Variants in TENM1 observed in about 807,000 individuals in gnomAD.
TENM1 encodes the protein teneurin transmembrane protein 1.
In TENM1, 35 loss-of-function variants were observed where a neutral mutation model predicts 174.8. That is an observed-to-expected ratio of 0.20 (90% CI 0.15 to 0.27). TENM1 has a LOEUF of 0.27. Ranked by LOEUF, TENM1 falls within the 10% of genes least tolerant of loss-of-function variation. TENM1 has a pLI of 1.00. For missense variants in TENM1, 1,633 were observed against 2,130.1 expected (o/e 0.77, Z 4.59); for synonymous variants, 781 against 798.7 (o/e 0.98, Z 0.37).
At chrX:124,437,843 G>T (rs769708816) in intron 23 of TENM1, among the ~76,000 whole-genome samples, 1 of 111,942 alleles carries the variant, frequency 8.9e-6, no homozygotes, top group South Asian at 3.8e-4. Flanking sequence ...TTCAACAGGT[G>T]TAGCCTGTTG....
chrX:124,968,822 A>G, the TENM1 span, among the ~76,000 whole-genome samples: 1 of 112,101 alleles, frequency 8.9e-6, no homozygotes, highest in Non-Finnish European at 1.9e-5. Context: ...TAACTGTGAT[A>G]TTTGTCAAAG....
At chrX:125,153,535 A>C in the TENM1 span, among the ~76,000 whole-genome samples, 3 of 112,457 alleles carry the variant, frequency 2.7e-5, no homozygotes, top group Non-Finnish European at 5.6e-5. Context: ...GAATAAAAAT[A>C]ATCCCATCTA....
At chrX:125,030,198 G>A in the TENM1 span, among the ~76,000 whole-genome samples, 1 of 111,910 alleles carries the variant, frequency 8.9e-6, no homozygotes, top group Non-Finnish European at 1.9e-5. Flanking sequence ...GCACAGAATC[G>A]CAATTGGCTA....
chrX:124,990,211 T>A, the TENM1 span, among the ~76,000 whole-genome samples: 1 of 111,359 alleles, frequency 9.0e-6, no homozygotes, highest in African/African-American at 3.3e-5. Flanking sequence ...TATCATATTA[T>A]TTGCTCCCCT....
intron 11 of TENM1, among the ~76,000 whole-genome samples, chrX:124,594,782 A>G (rs996867659): frequency 1.7e-4 from 19 of 111,753 alleles, no homozygotes; most frequent in African/African-American, 5.9e-4. Context: ...AAAACTCCTA[A>G]ATTTCTCTGT....
At chrX:124,428,687 T>C (rs1253577689) in intron 23 of TENM1, among the ~76,000 whole-genome samples, 1 of 111,183 alleles carries the variant, frequency 9.0e-6, no homozygotes, top group Non-Finnish European at 1.9e-5. Flanking sequence ...GCCCAGTGCC[T>C]GGCACATAGT....
the TENM1 span, among the ~76,000 whole-genome samples, chrX:125,064,380 T>G: frequency 1.8e-5 from 2 of 110,398 alleles, no homozygotes; most frequent in African/African-American, 6.6e-5. Context: ...CAGAGTAACA[T>G]GAATTCTAAT....
chrX:125,145,515 G>A, the TENM1 span, among the ~76,000 whole-genome samples: 1 of 112,374 alleles, frequency 8.9e-6, no homozygotes, highest in South Asian at 3.6e-4. Flanking sequence ...TGCAAAGTTT[G>A]CAAAATGTAA....
the TENM1 span, among the ~76,000 whole-genome samples, chrX:125,155,507 C>T: frequency 1.9e-5 from 2 of 105,970 alleles, no homozygotes; most frequent in Admixed American, 1.0e-4. Flanking sequence ...GACTGGGCTC[C>T]GTGGAGCAGG....
chrX:124,837,481 A>G (rs1374049672), intron 3 of TENM1, among the ~76,000 whole-genome samples: 4 of 112,648 alleles, frequency 3.6e-5, no homozygotes, highest in African/African-American at 6.5e-5. Context: ...CTTTAAGGCA[A>G]TTATGTCTAA....
chrX:124,606,937 G>A (rs2050173103), intron 11 of TENM1, among the ~76,000 whole-genome samples: 1 of 110,506 alleles, frequency 9.0e-6, no homozygotes, highest in Admixed American at 9.7e-5. Context: ...ATGAAGAAGA[G>A]AAGGAATAAG....
chrX:125,118,585 G>C, the TENM1 span, among the ~76,000 whole-genome samples: 7 of 111,021 alleles, frequency 6.3e-5, no homozygotes, highest in Admixed American at 1.9e-4. Context: ...AAACAACCCA[G>C]TATTTTAAAA....
intron 23 of TENM1, among the ~76,000 whole-genome samples, chrX:124,443,446 A>G (rs1336448512): frequency 8.9e-6 from 1 of 111,891 alleles, no homozygotes; most frequent in African/African-American, 3.2e-5. Context: ...GTAAAAGAGC[A>G]TCTAAATTCT....
intron 3 of TENM1, among the ~76,000 whole-genome samples, chrX:124,885,474 T>C (rs1347480122): frequency 2.7e-5 from 3 of 111,099 alleles, no homozygotes; most frequent in African/African-American, 9.8e-5. Context: ...TAGTTAATTA[T>C]GTTACATCTA....
At chrX:124,973,630 A>T in the TENM1 span, among the ~76,000 whole-genome samples, 2 of 111,361 alleles carry the variant, frequency 1.8e-5, no homozygotes, top group Admixed American at 9.6e-5. Context: ...ATCCCTTGTA[A>T]GTTGTATTCC....
chrX:125,018,212 T>C, the TENM1 span, among the ~76,000 whole-genome samples: 1 of 111,373 alleles, frequency 9.0e-6, no homozygotes, highest in East Asian at 2.8e-4. Flanking sequence ...ATTCAGATTA[T>C]GACCAGTGCT....
chrX:124,980,686 G>T, the TENM1 span, among the ~76,000 whole-genome samples: 1 of 110,750 alleles, frequency 9.0e-6, no homozygotes, highest in Non-Finnish European at 1.9e-5. Flanking sequence ...ATAGGAAGAA[G>T]GGGTTAACTT....
chrX:124,835,693 TTGTC>T (rs950600623), intron 3 of TENM1, among the ~76,000 whole-genome samples: 1 of 111,706 alleles, frequency 9.0e-6, no homozygotes, highest in African/African-American at 3.3e-5. Context: ...TGTTTTCAGT[TTGTC>T]TGGTCACTGA....
chrX:124,692,237 G>A (rs1358715429), intron 5 of TENM1, among the ~76,000 whole-genome samples: 1 of 111,237 alleles, frequency 9.0e-6, no homozygotes, highest in Non-Finnish European at 1.9e-5. Flanking sequence ...TAAACATTGA[G>A]TACACATGTT....
Sources: allele counts gnomAD v4.1 joint callset (sites outside exome capture counted in the v4.1 genomes callset), GRCh38; gene constraint gnomAD v4.1.1; transcripts MANE v1.5; gene names NCBI Gene and HGNC (gene_info 2026-07-23, HGNC 2026-07-21).